IQGAP1: variants seen among roughly 807,000 people sequenced by gnomAD.
IQGAP1 encodes ras GTPase-activating-like protein IQGAP1.
In IQGAP1, 66 loss-of-function variants were observed where a neutral mutation model predicts 215.6. The ratio of observed to expected loss-of-function variants is 0.31; its 90% CI spans 0.25 to 0.38. IQGAP1 has a LOEUF of 0.38. Ranked by LOEUF, IQGAP1 falls within the 10% of genes least tolerant of loss-of-function variation. The probability of loss-of-function intolerance (pLI) is 1.00; values close to 1 mark genes in which losing one functional copy is unlikely to be tolerated. For synonymous variants in IQGAP1, 772 were observed against 728.7 expected, an observed-to-expected ratio of 1.06 and a Z score of -0.96; for missense variants, 1,712 against 1,997.1, an observed-to-expected ratio of 0.86 and a Z score of 2.72.
At chr15:90,436,604 T>C (rs773201802) in intron 5 of IQGAP1, among the ~76,000 whole-genome samples, 2 of 152,138 alleles carry the variant, frequency 1.3e-5, no homozygotes, top group African/African-American at 2.4e-5. Flanking sequence ...AAGTAGGAAA[T>C]AAGAAAAATA....
intron 2 of IQGAP1, among the ~76,000 whole-genome samples, chr15:90,401,406 G>A (rs1964802712): frequency 6.6e-6 from 1 of 152,128 alleles, no homozygotes; most frequent in Non-Finnish European, 1.5e-5. Flanking sequence ...AGAAACCTCA[G>A]TACTTTAAGG....
chr15:90,466,214 A>G, intron 16 of IQGAP1, 55 bp from the exon 17 acceptor site: 7 of 1,590,192 alleles, frequency 4.4e-6, no homozygotes, highest in Non-Finnish European at 6.0e-6. Flanking sequence ...GTGAAGCAGT[A>G]TGTGAATTTA....
At position 90,467,585 on chromosome 15, in the gene IQGAP1, A is replaced by G; in HGVS notation, c.2171A>G (p.Glu724Gly). 1 of 1,607,496 alleles carries G rather than the reference A, an allele frequency of 6.2e-7. No individual in the cohort carries two copies. Among genetic ancestry groups the G allele is most frequent in the Non-Finnish European group, 8.5e-7 (1 of 1,178,056 alleles). Residue 724 changes from glutamate (E) to glycine (G), a missense_variant, in exon 18 of 38, where the codon GAG (glutamate) becomes GGG (glycine). This residue lies in a region of IQGAP1 where 1,021 missense variants were observed against 1,074.2 expected (regional missense o/e 0.95). Transcript: ENST00000268182. ...AATTCTATGCAGCTTTCTCGGGAGG[A>G]GATCCAGGTAGGTTACCTTTCTTCA... is the stretch of plus-strand genomic sequence containing the variant. ...VQNSMQLSRE[E>G]IQSSISGVTA...
chr15:90,458,947 A>T (rs114730298), intron 15 of IQGAP1, among the ~76,000 whole-genome samples: 2,134 of 152,246 alleles, frequency 0.014, 39 homozygotes, highest in African/African-American at 0.048. Flanking sequence ...TCAACATCAT[A>T]ATATTACCAA....
intron 26 of IQGAP1, 63 bp downstream of exon 26, chr15:90,477,952 T>C: frequency 1.9e-6 from 2 of 1,044,160 alleles, no homozygotes; most frequent in Non-Finnish European, 2.9e-6. Flanking sequence ...TTTTTTCCCC[T>C]CTCTTTATTT....
In IQGAP1 at chr15:90,388,384, C is replaced by G. The variant is rs764685689; in HGVS notation, c.43C>G (p.Pro15Ala). ...DEVDGLGVAR[P>A]HYGSVLDNER... ...GGTTGACGGGCTGGGCGTGGCCCGG[C>G]CGCACTATGGCTGTGAGTGCGGGGC... is the stretch of plus-strand genomic sequence containing the variant. Residue 15 changes from proline to alanine, a missense_variant, in exon 1 of 38, where the codon CCG becomes GCG. Physicochemically the swap from Pro to Ala is conservative, Grantham distance 27 (BLOSUM62 -1). Transcript: ENST00000268182. 1.9e-6 allele frequency: 3 copies of G among 1,589,966 alleles called. No individual in the cohort carries two copies. In the Admixed American group the frequency reaches 5.1e-5, roughly 27 times the overall value.
At chr15:90,497,911 G>C (rs1045516902) in intron 37 of IQGAP1, among the ~76,000 whole-genome samples, 1 of 152,152 alleles carries the variant, frequency 6.6e-6, no homozygotes, top group Admixed American at 6.5e-5. Flanking sequence ...GACTCCTTTA[G>C]CTTTGTGTGT....
intron 2 of IQGAP1, among the ~76,000 whole-genome samples, chr15:90,399,714 T>C (rs1207127955): frequency 1.3e-5 from 2 of 152,312 alleles, no homozygotes; most frequent in South Asian, 2.1e-4. Flanking sequence ...TAATGTTGAT[T>C]GTAAGGGGAA....
At position 90,467,531 on chromosome 15, in the gene IQGAP1, G is replaced by A. The variant is rs1965848163; in HGVS notation, c.2117G>A (p.Gly706Glu). The change falls in exon 18 of 38, where the codon GGA becomes GAA. Residue 706 changes from glycine to glutamate, a missense_variant. Gly to Glu is a moderately conservative substitution (Grantham distance 98, BLOSUM62 -2). Transcript: ENST00000268182. ...CACAATCTGGAGACCCAGGAAGGAG[G>A]ATGGGATGAACCTCCAAATTTTGTG... Reference protein sequence around the residue: ...YYHNLETQEGGWDEPPNFVQN... With the variant: ...YYHNLETQEGEWDEPPNFVQN... The A allele has an allele frequency of 6.2e-7, 1 of 1,613,172 alleles. No individual in the cohort carries two copies. Among genetic ancestry groups the A allele is most frequent in the Admixed American group, 1.7e-5 (1 of 59,936 alleles).
At chr15:90,476,855 G>A (rs1965987457) in intron 24 of IQGAP1, 37 bp downstream of exon 24, 6 of 1,573,652 alleles carry the variant, frequency 3.8e-6, no homozygotes, top group African/African-American at 1.4e-5. Context: ...TAAAAATTTA[G>A]TGAATTTATT....
chr15:90,497,363 C>A (rs1966286595), intron 37 of IQGAP1, 23 bp downstream of exon 37: 2 of 1,184,606 alleles, frequency 1.7e-6, no homozygotes, highest in African/African-American at 1.5e-5. Flanking sequence ...CAGCAGGAAC[C>A]AAAAACTTTC....
At chr15:90,461,029 G>T (rs1282662881) in intron 15 of IQGAP1, among the ~76,000 whole-genome samples, 1 of 148,464 alleles carries the variant, frequency 6.7e-6, no homozygotes, top group Non-Finnish European at 1.5e-5. Flanking sequence ...AAAAAGGGCT[G>T]GGCGCAGTGC....
chr15:90,411,047 G>A (rs1329137503), intron 2 of IQGAP1, among the ~76,000 whole-genome samples: 2 of 151,852 alleles, frequency 1.3e-5, no homozygotes, highest in African/African-American at 4.8e-5. Flanking sequence ...TCTTTTTTAT[G>A]CTTTTTGAAT....
At chr15:90,437,359 A>G (rs952567051) in intron 5 of IQGAP1, among the ~76,000 whole-genome samples, 1 of 152,224 alleles carries the variant, frequency 6.6e-6, no homozygotes, top group Admixed American at 6.5e-5. Flanking sequence ...TATCAGCAAC[A>G]TTCTTGAACT....
chr15:90,455,243 A>T (rs1340070629), intron 14 of IQGAP1, among the ~76,000 whole-genome samples: 1 of 152,116 alleles, frequency 6.6e-6, no homozygotes, highest in Non-Finnish European at 1.5e-5. Flanking sequence ...TGCGTGATTG[A>T]TAGTATTGGC....
rs10701656 is a variant in IQGAP1 at position 90,392,748 on chromosome 15, C to CTTTTTTTTTTT, written c.155+1882_155+1892dup. ...TTTCTTGATTGAAGAATGTTTCTAT[C>CTTTTTTTTTTT]TTTTTTTTTTTTTTTTTGTACAGTC... On this transcript the variant is annotated intron_variant, in intron 2 of 37. Transcript: ENST00000268182. Among the ~76,000 whole-genome samples the CTTTTTTTTTTT allele has an allele frequency of 3.4e-3, 398 of 117,800 alleles. 1 individual carries two copies. The highest frequency in any genetic ancestry group is 7.1e-3 in the African/African-American group (205 of 28,826). The allele number at this position is 117,800 out of a possible 152,430, so 77.3% of individuals were successfully genotyped here.
chr15:90,487,073 C>T lies in IQGAP1; in HGVS notation c.4144C>T (p.Arg1382Ter). 6.2e-7 allele frequency: 1 copy of T among 1,613,942 alleles called. No homozygotes were observed. The highest frequency in any genetic ancestry group is 8.5e-7 in the Non-Finnish European group (1 of 1,179,950). Residue 1382 changes from arginine to a stop codon, truncating the protein, a stop_gained, in exon 32 of 38, where the codon CGA (arginine) becomes TGA (stop). Coordinates refer to ENST00000268182, the MANE Select transcript of IQGAP1 (RefSeq NM_003870.4). LOFTEE classifies it high-confidence loss of function. ...PGDENAEMDARTILLNTKRLI... is the reference protein window; with the variant it reads ...PGDENAEMDA ...AGATGAGAATGCAGAAATGGATGCT[C>T]GAACCATCTTACTGAAGTGAGTATC...
chr15:90,413,087 T>C (rs1240266386), intron 2 of IQGAP1, among the ~76,000 whole-genome samples: 2 of 152,186 alleles, frequency 1.3e-5, no homozygotes, highest in Non-Finnish European at 2.9e-5. Flanking sequence ...TTGCTGAGTG[T>C]AGAGTGGGTA....
At chr15:90,447,726 T>G (rs12595115) in intron 9 of IQGAP1, among the ~76,000 whole-genome samples, 25,082 of 152,014 alleles carry the variant, frequency 0.16, 2,800 homozygotes, top group East Asian at 0.46. Context: ...TTTTGTTTTG[T>G]TTTTTTTACA....
Sources: gnomAD v4.1 joint callset for allele counts (sites outside exome capture counted in the v4.1 genomes callset) on GRCh38, gnomAD v4.1.1 for gene constraint, gnomAD v4.1.1 regional missense constraint, MANE v1.5 for transcripts, NCBI Gene and HGNC (gene_info 2026-07-23, HGNC 2026-07-21) for gene names.